Variants in ANK2 observed in about 807,000 individuals in gnomAD.
ANK2 encodes the protein ankyrin 2, also known as ankyrin-2.
In ANK2, 83 loss-of-function variants were observed where a neutral mutation model predicts 360.5. That is an observed-to-expected ratio of 0.23 (90% confidence interval 0.19 to 0.28). The LOEUF (loss-of-function observed/expected upper bound fraction) is 0.28. Ranked by LOEUF, ANK2 falls within the 10% of genes least tolerant of loss-of-function variation. ANK2 has a pLI of 1.00. For missense variants in ANK2, 4,201 were observed against 4,795.7 expected (o/e 0.88, Z 3.66); for synonymous variants, 1,740 against 1,759.5 (o/e 0.99, Z 0.28).
intron 2 of ANK2, among the ~76,000 whole-genome samples, chr4:113,005,851 C>T (rs1021631755): frequency 2.0e-5 from 3 of 151,980 alleles, no homozygotes; most frequent in African/African-American, 4.8e-5. Context: ...TGAGTTCATG[C>T]AAGATCTGGT....
intron 1 of ANK2, among the ~76,000 whole-genome samples, chr4:113,155,754 A>G (rs1195898869): frequency 6.6e-6 from 1 of 152,168 alleles, no homozygotes; most frequent in Non-Finnish European, 1.5e-5. Context: ...ACAAAATGTT[A>G]TCCTTCTATA....
chr4:113,231,608 A>AT lies in ANK2; in HGVS notation c.385-538dup, dbSNP rs201095951. On this transcript the variant is annotated intron_variant, in intron 4 of 45. Transcript: ENST00000357077. Reference sequence around the variant, plus strand: ...TACCAAATATGCTAAAGACACTAAGATTTTTTTTTTTTTTTGAGACAGTCT... The same window carrying AT: ...TACCAAATATGCTAAAGACACTAAGATTTTTTTTTTTTTTTTGAGACAGTCT... 5.7e-3 allele frequency among the ~76,000 whole-genome samples: 817 copies of AT among 142,104 alleles called. 8 individuals carry two copies. Among genetic ancestry groups the AT allele is most frequent in the Middle Eastern group, 7.5e-3 (2 of 266 alleles). 93.2% of individuals were successfully genotyped at this position (142,104 alleles called of 152,430 possible).
At chr4:113,029,105 A>G (rs1258533273) in intron 2 of ANK2, among the ~76,000 whole-genome samples, 2 of 151,748 alleles carry the variant, frequency 1.3e-5, no homozygotes, top group African/African-American at 4.8e-5. Flanking sequence ...AACTGAAAAA[A>G]CTCCAGGCAC....
chr4:113,008,779 T>G (rs971417782), intron 2 of ANK2, among the ~76,000 whole-genome samples: 9 of 152,164 alleles, frequency 5.9e-5, no homozygotes, highest in Admixed American at 5.9e-4. Flanking sequence ...CAATCCTTGC[T>G]GATGGTAGGC....
the ANK2 span, chr4:112,706,785 A>G: frequency 6.6e-5 from 10 of 152,282 alleles, no homozygotes. Context: ...TAGTACAGAA[A>G]ACATGTGTTC....
intron 1 of ANK2, among the ~76,000 whole-genome samples, chr4:112,870,888 A>G (rs898082229): frequency 2.0e-5 from 3 of 152,224 alleles, no homozygotes; most frequent in African/African-American, 7.2e-5. Context: ...AGTATTGCCA[A>G]TACAATATGA....
At chr4:113,226,588 A>C (rs2099225423) in intron 4 of ANK2, among the ~76,000 whole-genome samples, 1 of 152,214 alleles carries the variant, frequency 6.6e-6, no homozygotes, top group East Asian at 1.9e-4. Flanking sequence ...ACTAAAGTGT[A>C]ATACAGAATT....
chr4:113,228,293 A>G (rs1300577850), intron 4 of ANK2, among the ~76,000 whole-genome samples: 1 of 152,170 alleles, frequency 6.6e-6, no homozygotes, highest in Non-Finnish European at 1.5e-5. Flanking sequence ...TCACCCGGGC[A>G]GTATACACTG....
At chr4:112,903,029 A>G (rs2083946261) in intron 1 of ANK2, among the ~76,000 whole-genome samples, 2 of 152,182 alleles carry the variant, frequency 1.3e-5, no homozygotes, top group South Asian at 4.1e-4. Flanking sequence ...ATGGTTCACA[A>G]GAGAGAGAGT....
At chr4:113,184,487 G>T (rs929230767) in intron 2 of ANK2, among the ~76,000 whole-genome samples, 2 of 152,052 alleles carry the variant, frequency 1.3e-5, no homozygotes, top group African/African-American at 4.8e-5. Context: ...GACAAAGAGA[G>T]GAAAGATCTT....
At chr4:113,186,276 C>T (rs2098520511) in intron 2 of ANK2, among the ~76,000 whole-genome samples, 1 of 152,114 alleles carries the variant, frequency 6.6e-6, no homozygotes, top group Admixed American at 6.5e-5. Context: ...GAGTAGACCT[C>T]CAGCAAATTC....
chr4:112,900,082 G>A (rs908032336), intron 1 of ANK2, among the ~76,000 whole-genome samples: 1 of 152,128 alleles, frequency 6.6e-6, no homozygotes, highest in Admixed American at 6.5e-5. Context: ...GGTGTCTCAT[G>A]TATCCACTTA....
chr4:113,333,300 G>A (rs1418348406), intron 29 of ANK2, 92 bp downstream of exon 29: 20 of 366,488 alleles, frequency 5.5e-5, no homozygotes, highest in Non-Finnish European at 7.6e-5. Context: ...GTGTGTATAT[G>A]TGTGTGTGTG....
intron 1 of ANK2, among the ~76,000 whole-genome samples, chr4:112,824,929 T>C (rs971323170): frequency 6.6e-6 from 1 of 152,248 alleles, no homozygotes; most frequent in Admixed American, 6.5e-5. Context: ...AAACCAGTTC[T>C]GTATATATTG....
chr4:113,025,329 G>T (rs1473736898), intron 2 of ANK2, among the ~76,000 whole-genome samples: 3 of 142,776 alleles, frequency 2.1e-5, no homozygotes, highest in Non-Finnish European at 4.4e-5. Flanking sequence ...AATTGTGACA[G>T]AGGAAGAAAG....
intron 2 of ANK2, among the ~76,000 whole-genome samples, chr4:112,916,791 G>A (rs964826663): frequency 2.0e-5 from 3 of 152,120 alleles, no homozygotes; most frequent in African/African-American, 7.2e-5. Context: ...TAGTATAATA[G>A]CATCAGGATT....
At chr4:112,990,578 A>G (rs1018258699) in intron 2 of ANK2, among the ~76,000 whole-genome samples, 4 of 152,120 alleles carry the variant, frequency 2.6e-5, no homozygotes, top group Non-Finnish European at 5.9e-5. Flanking sequence ...CATCATCTCC[A>G]TAGCCCTCAT....
intron 10 of ANK2, 148 bp from the exon 11 acceptor site, chr4:113,255,587 T>G: frequency 1.3e-6 from 1 of 747,688 alleles, no homozygotes. Context: ...CGAAATATAG[T>G]CTGCTGTATA....
intron 1 of ANK2, among the ~76,000 whole-genome samples, chr4:113,050,362 T>A (rs2066410624): frequency 1.3e-5 from 2 of 152,234 alleles, no homozygotes; most frequent in Middle Eastern, 3.4e-3. Context: ...TCTGCAGTTT[T>A]CCCAGACATT....
Sources: allele counts gnomAD v4.1 joint callset (sites outside exome capture counted in the v4.1 genomes callset), GRCh38; gene constraint gnomAD v4.1.1; transcripts MANE v1.5; gene names NCBI Gene and HGNC (gene_info 2026-07-23, HGNC 2026-07-21).